The following PEX5L variants were observed in gnomAD, a reference collection of about 807,000 sequenced individuals.
PEX5L encodes PEX5-related protein.
Under a neutral mutation model 84.0 loss-of-function variants are expected in PEX5L, and 30 were observed. That is an observed-to-expected ratio of 0.36 (90% CI 0.27 to 0.48). The LOEUF (loss-of-function observed/expected upper bound fraction) is 0.48, where lower values mean the gene tolerates loss of function less well. Among genes scored for constraint, PEX5L ranks in the 20% least tolerant of loss-of-function variants. The pLI is 0.99. For missense variants in PEX5L, 533 were observed against 754.6 expected, an observed-to-expected ratio of 0.71 and a Z score of 3.44; for synonymous variants, 270 against 283.1, an observed-to-expected ratio of 0.95 and a Z score of 0.46.
At chr3:179,931,322 T>C (rs1005834122) in intron 2 of PEX5L, among the ~76,000 whole-genome samples, 1 of 152,190 alleles carries the variant, frequency 6.6e-6, no homozygotes, top group Non-Finnish European at 1.5e-5. Flanking sequence ...AAAGGACATC[T>C]ATTCAATCCA....
chr3:180,029,214 A>G (rs1414941149), intron 1 of PEX5L, among the ~76,000 whole-genome samples: 1 of 152,104 alleles, frequency 6.6e-6, no homozygotes, highest in East Asian at 1.9e-4. Context: ...TTTTTAATAG[A>G]GACGGGGTTT....
intron 2 of PEX5L, among the ~76,000 whole-genome samples, chr3:179,940,696 G>A (rs1298474088): frequency 6.6e-6 from 1 of 152,158 alleles, no homozygotes; most frequent in Non-Finnish European, 1.5e-5. Flanking sequence ...TGTATATTTA[G>A]AGCAAGACGT....
intron 1 of PEX5L, among the ~76,000 whole-genome samples, chr3:180,032,446 C>T (rs1446974932): frequency 1.3e-5 from 2 of 152,212 alleles, no homozygotes; most frequent in Non-Finnish European, 2.9e-5. Flanking sequence ...ATCTCAAAGA[C>T]TCGCCTCTGA....
At position 179,933,325 on chromosome 3, in the gene PEX5L, T is replaced by C. The variant is rs146138962; in HGVS notation, c.94-35079A>G. On this transcript the variant is annotated intron_variant, in intron 2 of 14. Transcript: ENST00000467460. ...CTGCTGCGTAAGTGCTATATGCACA[T>C]GTGCCTTCTGTGCCAAAGCTATCAT... Among the ~76,000 whole-genome samples, 956 of 152,364 alleles carry C rather than the reference T, an allele frequency of 6.3e-3. 27 individuals are homozygous for C. The highest frequency in any genetic ancestry group is 0.055 in the Admixed American group (847 of 15,306).
intron 8 of PEX5L, among the ~76,000 whole-genome samples, chr3:179,856,955 T>A (rs1003155877): frequency 6.6e-6 from 1 of 152,224 alleles, no homozygotes; most frequent in Non-Finnish European, 1.5e-5. Context: ...TCCAAATTGG[T>A]CCTGTGGACC....
chr3:179,814,099 G>A (rs1397544800), intron 10 of PEX5L, among the ~76,000 whole-genome samples: 1 of 152,058 alleles, frequency 6.6e-6, no homozygotes, highest in Non-Finnish European at 1.5e-5. Flanking sequence ...GAGATTACAG[G>A]CATGAGGCAC....
chr3:179,836,272 G>A (rs1734893030), intron 8 of PEX5L, among the ~76,000 whole-genome samples: 1 of 152,108 alleles, frequency 6.6e-6, no homozygotes, highest in Non-Finnish European at 1.5e-5. Flanking sequence ...AAAATATTTG[G>A]CAGAGTGGCT....
At chr3:179,841,051 G>A (rs999021212) in intron 8 of PEX5L, among the ~76,000 whole-genome samples, 1 of 152,168 alleles carries the variant, frequency 6.6e-6, no homozygotes, top group African/African-American at 2.4e-5. Context: ...AGAGATACAA[G>A]TGGGGGAGAC....
chr3:180,014,975 A>G (rs892826116), intron 1 of PEX5L, among the ~76,000 whole-genome samples: 2 of 152,222 alleles, frequency 1.3e-5, no homozygotes, highest in African/African-American at 2.4e-5. Flanking sequence ...TTTATTCAGC[A>G]CTGACATAGA....
At chr3:179,829,064 G>C (rs1425715958) in intron 8 of PEX5L, among the ~76,000 whole-genome samples, 1 of 152,170 alleles carries the variant, frequency 6.6e-6, no homozygotes, top group African/African-American at 2.4e-5. Context: ...AATTTAAAAT[G>C]ACCTTTGAAA....
chr3:179,948,510 A>G (rs1524516), intron 2 of PEX5L, among the ~76,000 whole-genome samples: 88,900 of 152,136 alleles, frequency 0.58, 26,990 homozygotes, highest in African/African-American at 0.75. Flanking sequence ...GAAGATGAAT[A>G]AGAAGATAAA....
chr3:179,926,367 C>T (rs1052170915), intron 2 of PEX5L, among the ~76,000 whole-genome samples: 4 of 152,178 alleles, frequency 2.6e-5, no homozygotes, highest in Non-Finnish European at 5.9e-5. Flanking sequence ...GTCAGAACCT[C>T]CTCCTGCCCA....
At chr3:179,859,023 G>T in intron 8 of PEX5L, 39 bp downstream of exon 8, 1 of 1,314,870 alleles carries the variant, frequency 7.6e-7, no homozygotes, top group Non-Finnish European at 1.1e-6. Context: ...CCACTCTCAG[G>T]AGCATGAAAC....
At chr3:179,876,640 G>A (rs894629392) in intron 5 of PEX5L, among the ~76,000 whole-genome samples, 17 of 152,004 alleles carry the variant, frequency 1.1e-4, no homozygotes, top group Admixed American at 5.3e-4. Context: ...TAGTACAGTC[G>A]CACTGCTGTG....
chr3:179,858,965 G>T, intron 8 of PEX5L, 97 bp downstream of exon 8: 1 of 746,538 alleles, frequency 1.3e-6, no homozygotes, highest in Non-Finnish European at 2.4e-6. Flanking sequence ...TGTCTATAAT[G>T]TAAGACCCAT....
At chr3:179,908,109 G>C (rs901894390) in intron 2 of PEX5L, among the ~76,000 whole-genome samples, 1 of 152,208 alleles carries the variant, frequency 6.6e-6, no homozygotes, top group Non-Finnish European at 1.5e-5. Flanking sequence ...AATTGACTCT[G>C]GCACCTCTGC....
intron 1 of PEX5L, among the ~76,000 whole-genome samples, chr3:180,021,166 C>T (rs925919148): frequency 6.6e-6 from 1 of 152,052 alleles, no homozygotes; most frequent in Admixed American, 6.6e-5. Context: ...CAAGGATCGG[C>T]CAGGTAGGTG....
intron 4 of PEX5L, among the ~76,000 whole-genome samples, chr3:179,882,140 C>T (rs1348921679): frequency 6.6e-6 from 1 of 152,086 alleles, no homozygotes; most frequent in Non-Finnish European, 1.5e-5. Context: ...ATATAGAATG[C>T]CATATACATC....
chr3:179,800,744 A>C lies in PEX5L; in HGVS notation c.*1084T>G, dbSNP rs1005925805. On this transcript the variant is annotated 3_prime_UTR_variant, in exon 15 of 15. Transcript: ENST00000467460. ...CAGATTATTATGAAACTAAGAAAAC[A>C]TAATTTTTAGGAAAAAATGTTATTT... 2.6e-5 allele frequency: 4 copies of C among 152,238 alleles called. No individual in the cohort carries two copies. Among genetic ancestry groups the C allele is most frequent in the African/African-American group, 9.6e-5 (4 of 41,468 alleles). The allele number at this position is 152,238 out of a possible 1,614,324, so 9.4% of individuals were successfully genotyped here. A position where few individuals can be genotyped will look rare whatever the true frequency, so the allele number is the denominator to read the frequency against.
Sources: gnomAD v4.1 joint callset for allele counts (sites outside exome capture counted in the v4.1 genomes callset) on GRCh38, gnomAD v4.1.1 for gene constraint, MANE v1.5 for transcripts, NCBI Gene and HGNC (gene_info 2026-07-23, HGNC 2026-07-21) for gene names.